Variants in GLIS3 observed in about 807,000 individuals in gnomAD.
GLIS3 encodes the protein GLIS family zinc finger 3.
Under a neutral mutation model 78.6 loss-of-function variants are expected in GLIS3, and 53 were observed. That is an observed-to-expected ratio of 0.67 (90% confidence interval 0.54 to 0.85). The LOEUF (loss-of-function observed/expected upper bound fraction) is 0.85. Among genes scored for constraint, GLIS3 ranks in the 40% least tolerant of loss-of-function variants. GLIS3 has a pLI of 0.00. For missense variants in GLIS3, 1,703 were observed against 1,231.1 expected (o/e 1.38, Z -5.74); for synonymous variants, 684 against 509.9 (o/e 1.34, Z -4.60).
the GLIS3 span, among the ~76,000 whole-genome samples, chr9:4,479,838 C>G: frequency 6.6e-6 from 1 of 151,948 alleles, no homozygotes; most frequent in Non-Finnish European, 1.5e-5. Flanking sequence ...AACAGGACCA[C>G]CATCGCTTCT....
rs73390439 is a variant in GLIS3, at chr9:4,036,269, T to C, written c.1710+81499A>G. Among the ~76,000 whole-genome samples the C allele has an allele frequency of 2.9e-3, 442 of 152,274 alleles. 1 individual carries two copies. Among genetic ancestry groups the C allele is most frequent in the African/African-American group, 0.01 (432 of 41,564 alleles). On this transcript the variant is annotated intron_variant, in intron 4 of 10. Transcript: ENST00000381971. ...TCTGGCTAAGAACACAGAAATCAAA[T>C]CTCTTTTTTTTTTCTCTCAGGCCTT...
chr9:4,012,438 T>C (rs998058663), intron 4 of GLIS3, among the ~76,000 whole-genome samples: 6 of 152,066 alleles, frequency 3.9e-5, no homozygotes, highest in Admixed American at 3.9e-4. Flanking sequence ...GGGAAAAAAA[T>C]AGACCCACAC....
chr9:4,414,127 A>G, the GLIS3 span, among the ~76,000 whole-genome samples: 2 of 152,224 alleles, frequency 1.3e-5, no homozygotes, highest in Non-Finnish European at 2.9e-5. Flanking sequence ...CCCCAGCCAC[A>G]GAGACCATAT....
chr9:3,921,250 G>C (rs993811966), intron 6 of GLIS3, among the ~76,000 whole-genome samples: 1 of 152,170 alleles, frequency 6.6e-6, no homozygotes, highest in Non-Finnish European at 1.5e-5. Context: ...TTGTGTCCAG[G>C]AGAAAAGAAA....
At chr9:4,153,390 C>G (rs915550502) in intron 2 of GLIS3, among the ~76,000 whole-genome samples, 2 of 152,120 alleles carry the variant, frequency 1.3e-5, no homozygotes, top group South Asian at 2.1e-4. Context: ...ATGTTGAAAC[C>G]CTGTCTCCAC....
At chr9:4,342,568 G>A (rs1437200094) in intron 2 of GLIS3, among the ~76,000 whole-genome samples, 1 of 152,086 alleles carries the variant, frequency 6.6e-6, no homozygotes, top group African/African-American at 2.4e-5. Context: ...GAATTGCTGT[G>A]GCTATTTCAG....
intron 2 of GLIS3, among the ~76,000 whole-genome samples, chr9:4,341,431 C>T (rs1260045248): frequency 1.3e-5 from 2 of 152,252 alleles, no homozygotes; most frequent in African/African-American, 2.4e-5. Context: ...GAGAAAAACT[C>T]ACCATTGTGA....
At chr9:3,946,023 C>T (rs901434357) in intron 4 of GLIS3, among the ~76,000 whole-genome samples, 1 of 152,162 alleles carries the variant, frequency 6.6e-6, no homozygotes, top group African/African-American at 2.4e-5. Context: ...TGCCTCTCAC[C>T]TTTGCATATA....
intron 4 of GLIS3, among the ~76,000 whole-genome samples, chr9:3,956,646 TG>T (rs1190763497): frequency 6.6e-6 from 1 of 152,238 alleles, no homozygotes. Context: ...TGTTTTGTTT[TG>T]TTTTGTTTCC....
At chr9:4,340,831 G>C (rs764386866) in intron 2 of GLIS3, among the ~76,000 whole-genome samples, 2 of 152,156 alleles carry the variant, frequency 1.3e-5, no homozygotes, top group East Asian at 3.9e-4. Context: ...AAGTAGCTAG[G>C]ATTATAGGTG....
At chr9:3,922,817 G>T (rs191771068) in intron 6 of GLIS3, among the ~76,000 whole-genome samples, 2 of 152,232 alleles carry the variant, frequency 1.3e-5, no homozygotes, top group African/African-American at 4.8e-5. Flanking sequence ...AGGTAAAAAA[G>T]AGCCTAGAAA....
At chr9:3,882,242 C>A (rs1821779832) in intron 7 of GLIS3, among the ~76,000 whole-genome samples, 1 of 152,118 alleles carries the variant, frequency 6.6e-6, no homozygotes. Flanking sequence ...AATCTCGGGG[C>A]TCAGTGACTA....
At chr9:3,841,579 T>A (rs542577269) in intron 9 of GLIS3, among the ~76,000 whole-genome samples, 4 of 152,312 alleles carry the variant, frequency 2.6e-5, no homozygotes, top group African/African-American at 9.6e-5. Context: ...ACCTGCCAAC[T>A]ACTCCCTATA....
the GLIS3 span, among the ~76,000 whole-genome samples, chr9:4,363,212 C>A: frequency 6.6e-6 from 1 of 152,134 alleles, no homozygotes; most frequent in Non-Finnish European, 1.5e-5. Flanking sequence ...CACTTGAGGT[C>A]AGGAGTTCAA....
At chr9:4,053,007 G>C (rs914631863) in intron 4 of GLIS3, among the ~76,000 whole-genome samples, 2 of 152,110 alleles carry the variant, frequency 1.3e-5, no homozygotes, top group African/African-American at 4.8e-5. Context: ...GAGTGCAGTA[G>C]CATGATCTCA....
chr9:4,291,291 G>C (rs1268937094), intron 1 of GLIS3, among the ~76,000 whole-genome samples: 1 of 152,086 alleles, frequency 6.6e-6, no homozygotes, highest in Non-Finnish European at 1.5e-5. Context: ...AGTGTCCTCT[G>C]CAGGGATTCT....
the GLIS3 span, among the ~76,000 whole-genome samples, chr9:4,412,220 G>A: frequency 6.6e-6 from 1 of 152,214 alleles, no homozygotes; most frequent in Non-Finnish European, 1.5e-5. Flanking sequence ...TGCTATGATA[G>A]CTTAATGCTG....
intron 4 of GLIS3, among the ~76,000 whole-genome samples, chr9:4,021,607 T>C (rs539338070): frequency 2.6e-5 from 4 of 152,312 alleles, no homozygotes; most frequent in African/African-American, 7.2e-5. Context: ...TATTCAACAG[T>C]TGAACACTGG....
chr9:4,117,869 A>G lies in GLIS3; in HGVS notation c.1609T>C (p.Phe537Leu). 6.2e-7 allele frequency: 1 copy of G among 1,614,122 alleles called. No homozygotes were observed. Among genetic ancestry groups the G allele is most frequent in the Non-Finnish European group, 8.5e-7 (1 of 1,180,010 alleles). The change falls in exon 4 of 11, where the codon TTC (phenylalanine) becomes CTC (leucine). Residue 537 changes from phenylalanine (F) to leucine (L), a missense_variant. Coordinates refer to ENST00000381971, the MANE Select transcript of GLIS3 (RefSeq NM_001042413.2). The part of the protein sequence containing the change: ...DQRKGEDFTC[F>L]WAGCPRRYKP... ...TATCTTCGAGGGCAACCGGCCCAGA[A>G]GCAAGTGAAGTCCTCCCCTTTGCGC...
Sources: gnomAD v4.1 joint callset for allele counts (sites outside exome capture counted in the v4.1 genomes callset) on GRCh38, gnomAD v4.1.1 for gene constraint, MANE v1.5 for transcripts, NCBI Gene and HGNC (gene_info 2026-07-23, HGNC 2026-07-21) for gene names.